TACC2: variants seen among roughly 807,000 people sequenced by gnomAD.
TACC2 encodes transforming acidic coiled-coil containing protein 2.
TACC2 carries 137 observed loss-of-function variants against 227.3 expected under a neutral mutation model. That is an observed-to-expected ratio of 0.60 (90% CI 0.52 to 0.69). The LOEUF is 0.69. TACC2 is among the 30% of genes least tolerant of loss of function. The pLI is 0.00. For synonymous variants in TACC2, 1,523 were observed against 1,487.5 expected (o/e 1.02, Z -0.55); for missense variants, 3,470 against 3,694.4 (o/e 0.94, Z 1.57).
intron 11 of TACC2, among the ~76,000 whole-genome samples, chr10:122,218,321 G>C (rs1158474065): frequency 6.6e-6 from 1 of 152,116 alleles, no homozygotes; most frequent in Non-Finnish European, 1.5e-5. Context: ...TCCACTTTTT[G>C]CTGCTAATAA....
At chr10:122,055,977 T>C (rs975109431) in intron 3 of TACC2, among the ~76,000 whole-genome samples, 11 of 152,184 alleles carry the variant, frequency 7.2e-5, no homozygotes, top group Admixed American at 2.0e-4. Flanking sequence ...GTCCCATCCA[T>C]ACCCTGTCTC....
At chr10:122,211,960 G>C (rs927481659) in intron 9 of TACC2, among the ~76,000 whole-genome samples, 1 of 152,156 alleles carries the variant, frequency 6.6e-6, no homozygotes, top group African/African-American at 2.4e-5. Flanking sequence ...TAAATCAATG[G>C]GCTGGAGCTT....
At chr10:122,196,049 C>A (rs918683270) in intron 8 of TACC2, among the ~76,000 whole-genome samples, 1 of 152,198 alleles carries the variant, frequency 6.6e-6, no homozygotes, top group African/African-American at 2.4e-5. Flanking sequence ...CTGCCAGGGG[C>A]CCCCTCGTCC....
chr10:122,075,115 G>A (rs2136867196), intron 3 of TACC2, among the ~76,000 whole-genome samples: 1 of 151,888 alleles, frequency 6.6e-6, no homozygotes, highest in South Asian at 2.1e-4. Context: ...CAACAGTATA[G>A]GGCAACCCGC....
At chr10:122,192,059 C>T (rs1381438817) in intron 7 of TACC2, among the ~76,000 whole-genome samples, 1 of 152,176 alleles carries the variant, frequency 6.6e-6, no homozygotes, top group East Asian at 1.9e-4. Context: ...ATTAAAAAAG[C>T]TGCCATCCAC....
chr10:122,030,712 A>G (rs1186028104), intron 2 of TACC2, among the ~76,000 whole-genome samples: 2 of 150,968 alleles, frequency 1.3e-5, no homozygotes, highest in African/African-American at 2.4e-5. Flanking sequence ...GGTCTGGGTC[A>G]TGTCTGGCTG....
At chr10:122,242,346 T>C (rs1488520419) in intron 19 of TACC2, among the ~76,000 whole-genome samples, 1 of 152,156 alleles carries the variant, frequency 6.6e-6, no homozygotes, top group Non-Finnish European at 1.5e-5. Flanking sequence ...TTGTGGGAGA[T>C]AATAGGAATC....
At chr10:122,253,787 T>C (rs2096292882) in intron 22 of TACC2, among the ~76,000 whole-genome samples, 1 of 152,188 alleles carries the variant, frequency 6.6e-6, no homozygotes, top group Non-Finnish European at 1.5e-5. Context: ...ACACCAAGGC[T>C]CAGAGAGGTT....
chr10:122,231,193 C>A (rs11200492), intron 16 of TACC2, among the ~76,000 whole-genome samples: 42,955 of 151,942 alleles, frequency 0.28, 7,379 homozygotes, highest in East Asian at 0.52. Context: ...TTTGGGGTAA[C>A]TTTTATTAAC....
chr10:122,088,355 A>T (rs1591849292), intron 4 of TACC2, 123 bp from the exon 5 acceptor site: 1 of 779,352 alleles, frequency 1.3e-6, no homozygotes, highest in Non-Finnish European at 1.9e-6. Context: ...TTTCCTAGGG[A>T]TTTTTTTTTT....
chr10:122,104,040 A>G (rs1320325386), intron 5 of TACC2, among the ~76,000 whole-genome samples: 19 of 152,210 alleles, frequency 1.2e-4, no homozygotes, highest in Admixed American at 1.2e-3. Context: ...GGCATTGTCT[A>G]TGAAGGCAAG....
At chr10:122,135,276 C>T (rs1353388607) in intron 6 of TACC2, among the ~76,000 whole-genome samples, 2 of 152,168 alleles carry the variant, frequency 1.3e-5, no homozygotes, top group Non-Finnish European at 2.9e-5. Context: ...TATCCATGGT[C>T]TCTCTCTAGT....
At chr10:122,025,580 AT>A (rs1178728811) in intron 2 of TACC2, among the ~76,000 whole-genome samples, 1,919 of 84,652 alleles carry the variant, frequency 0.023, 37 homozygotes, top group African/African-American at 0.072. Context: ...TATTTATTTT[AT>A]TTTTTTTTTT....
At chr10:122,071,029 A>G (rs576586552) in intron 3 of TACC2, among the ~76,000 whole-genome samples, 19 of 152,332 alleles carry the variant, frequency 1.2e-4, no homozygotes, top group Middle Eastern at 3.4e-3. Flanking sequence ...ATCTAGCTAT[A>G]CAAGCAAAAC....
intron 7 of TACC2, among the ~76,000 whole-genome samples, chr10:122,161,035 T>C (rs1448947906): frequency 6.6e-6 from 1 of 152,130 alleles, no homozygotes; most frequent in Non-Finnish European, 1.5e-5. Context: ...CTCAACTTGC[T>C]GGACTCAAGC....
At chr10:122,029,047 C>G (rs1353155221) in intron 2 of TACC2, among the ~76,000 whole-genome samples, 1 of 128,390 alleles carries the variant, frequency 7.8e-6, no homozygotes, top group Non-Finnish European at 1.6e-5. Context: ...ATTACAGTGG[C>G]TGGGACTTTC....
At chr10:122,143,784 G>C in intron 7 of TACC2, 78 bp downstream of exon 7, 1 of 1,501,660 alleles carries the variant, frequency 6.7e-7, no homozygotes, top group South Asian at 1.2e-5. Flanking sequence ...TAGGTCTTGG[G>C]GTGAGCCGCA....
intron 19 of TACC2, among the ~76,000 whole-genome samples, chr10:122,245,758 C>T (rs976645643): frequency 1.3e-5 from 2 of 152,134 alleles, no homozygotes; most frequent in African/African-American, 4.8e-5. Context: ...ATACGGGACT[C>T]TTCCTCCTTC....
chr10:122,078,535 C>G (rs144164985), intron 3 of TACC2, among the ~76,000 whole-genome samples: 177 of 152,312 alleles, frequency 1.2e-3, no homozygotes, highest in African/African-American at 4.1e-3. Flanking sequence ...GATGGAGGCT[C>G]TAGTCCCTGG....
Sources: allele counts gnomAD v4.1 joint callset (sites outside exome capture counted in the v4.1 genomes callset), GRCh38; gene constraint gnomAD v4.1.1; transcripts MANE v1.5; gene names NCBI Gene and HGNC (gene_info 2026-07-23, HGNC 2026-07-21).